The following SLCO1A2 variants were observed in gnomAD, a reference collection of about 807,000 sequenced individuals.
SLCO1A2 encodes the protein solute carrier organic anion transporter family member 1A2.
Under a neutral mutation model 69.0 loss-of-function variants are expected in SLCO1A2, and 67 were observed. The ratio of observed to expected loss-of-function variants is 0.97; its 90% CI spans 0.80 to 1.19. The LOEUF is 1.19. Ranked by LOEUF, SLCO1A2 falls within the 50% of genes most tolerant of loss-of-function variation. The probability of loss-of-function intolerance (pLI) is 0.00; values close to 1 mark genes in which losing one functional copy is unlikely to be tolerated. For missense variants in SLCO1A2, 787 were observed against 793.7 expected (o/e 0.99, Z 0.10); for synonymous variants, 260 against 265.9 (o/e 0.98, Z 0.22).
At position 21,319,389 on chromosome 12, in the gene SLCO1A2, T is replaced by C. The variant is rs751287501; in HGVS notation, c.61-466A>G. 2.9e-6 allele frequency: 4 copies of C among 1,367,874 alleles called. No homozygotes were observed. In the East Asian group the frequency reaches 1.8e-4, roughly 62 times the overall value. The allele number at this position is 1,367,874 out of a possible 1,614,324, so 84.7% of individuals were successfully genotyped here. A position where few individuals can be genotyped will look rare whatever the true frequency, so the allele number is the denominator to read the frequency against. On this transcript the variant is annotated intron_variant, in intron 2 of 14. Transcript: ENST00000683939. ...CAGATTACCTTGGCCGACTCCACTC[T>C]TTCCTGTTCTTGCTTGCAATTCTTG...
At chr12:21,347,216 G>GT (rs1245889869) in intron 2 of SLCO1A2, among the ~76,000 whole-genome samples, 2 of 152,142 alleles carry the variant, frequency 1.3e-5, no homozygotes, top group East Asian at 3.9e-4. Context: ...CAAAAATGTT[G>GT]TAACTATTTA....
chr12:21,375,906 G>GA (rs1233634845), intron 1 of SLCO1A2, among the ~76,000 whole-genome samples: 2 of 105,034 alleles, frequency 1.9e-5, no homozygotes, highest in Non-Finnish European at 4.4e-5. Flanking sequence ...TAGTCAATGA[G>GA]AAAAAAATGC....
chr12:21,386,990 G>T (rs1940914192), intron 1 of SLCO1A2, among the ~76,000 whole-genome samples: 1 of 152,142 alleles, frequency 6.6e-6, no homozygotes, highest in Non-Finnish European at 1.5e-5. Flanking sequence ...GGCTGAGGTG[G>T]TCTCAGATGG....
intron 2 of SLCO1A2, among the ~76,000 whole-genome samples, chr12:21,346,477 C>T (rs1469969678): frequency 6.6e-6 from 1 of 151,134 alleles, no homozygotes; most frequent in Non-Finnish European, 1.5e-5. Flanking sequence ...CAAATCAAGC[C>T]ATAATTGTGA....
intron 1 of SLCO1A2, among the ~76,000 whole-genome samples, chr12:21,416,089 CTTTT>C (rs1251562381): frequency 3.3e-5 from 5 of 151,904 alleles, no homozygotes; most frequent in Non-Finnish European, 7.4e-5. Flanking sequence ...TATACTTTTT[CTTTT>C]TTATTATGTT....
chr12:21,328,324 T>A (rs1565501861), intron 2 of SLCO1A2, among the ~76,000 whole-genome samples: 1 of 152,166 alleles, frequency 6.6e-6, no homozygotes. Context: ...GTCTTTTTTT[T>A]AAATACCAAA....
chr12:21,332,881 A>C (rs1656612349), intron 2 of SLCO1A2, among the ~76,000 whole-genome samples: 1 of 152,100 alleles, frequency 6.6e-6, no homozygotes, highest in African/African-American at 2.4e-5. Flanking sequence ...CATTCACACC[A>C]CACAATACAT....
chr12:21,319,492 T>G (rs1319894726), intron 2 of SLCO1A2: 1 of 1,357,318 alleles, frequency 7.4e-7, no homozygotes, highest in African/African-American at 1.5e-5. Flanking sequence ...CTTCCCATAG[T>G]AGGATGCTCT....
intron 2 of SLCO1A2, among the ~76,000 whole-genome samples, chr12:21,325,313 T>C (rs1305839548): frequency 6.6e-6 from 1 of 151,674 alleles, no homozygotes. Context: ...GATATTTAGG[T>C]GAAGAAGTTA....
intron 2 of SLCO1A2, among the ~76,000 whole-genome samples, chr12:21,332,696 C>T (rs920260166): frequency 2.6e-5 from 4 of 152,096 alleles, no homozygotes; most frequent in Non-Finnish European, 5.9e-5. Context: ...ATCTTTCTCA[C>T]TGTGTCTTCA....
chr12:21,373,474 G>A, intron 2 of SLCO1A2: 2 of 1,362,910 alleles, frequency 1.5e-6, no homozygotes, highest in Non-Finnish European at 2.1e-6. Context: ...CTTTTGTAAA[G>A]TGTGAGAAAA....
In SLCO1A2 at chr12:21,292,373, A is replaced by G. The variant is rs774581064; in HGVS notation, c.1438-37T>C. On this transcript the variant is annotated intron_variant, in intron 11 of 14. Transcript: ENST00000683939. ...TAACATATTATACTAAGAAGTAAAAATCTTGAACACAAATTTTAAACATTT... is the reference window on the plus strand; with the variant it reads ...TAACATATTATACTAAGAAGTAAAAGTCTTGAACACAAATTTTAAACATTT... 1.1e-4 allele frequency: 173 copies of G among 1,545,010 alleles called. 2 individuals carry two copies. The South Asian group carries it at 2.0e-3, about 17-fold the overall frequency.
intron 6 of SLCO1A2, among the ~76,000 whole-genome samples, chr12:21,301,492 A>G (rs1426162088): frequency 6.6e-6 from 1 of 152,034 alleles, no homozygotes; most frequent in Non-Finnish European, 1.5e-5. Flanking sequence ...CTGGCCTCCA[A>G]ATTCCCTTTC....
intron 12 of SLCO1A2, among the ~76,000 whole-genome samples, chr12:21,277,831 G>A (rs553576292): frequency 2.1e-4 from 32 of 152,242 alleles, no homozygotes; most frequent in Non-Finnish European, 3.7e-4. Flanking sequence ...GGTAATGCTC[G>A]CTGCTCCCTC....
At position 21,385,997 on chromosome 12, in the gene SLCO1A2, T is replaced by C. The variant is rs78258805; in HGVS notation, c.-190+8909A>G. Reference sequence around the variant, plus strand: ...TCAAACTCAGTTTTCAGAGCTTTATTTGATTTCAAGTTTATGATTATTATC... The same window carrying C: ...TCAAACTCAGTTTTCAGAGCTTTATCTGATTTCAAGTTTATGATTATTATC... On this transcript the variant is annotated intron_variant, in intron 1 of 15. Transcript: ENST00000307378. Among the ~76,000 whole-genome samples the C allele has an allele frequency of 6.8e-4, 104 of 152,344 alleles. No homozygotes were observed. The East Asian group carries it at 0.019, about 27-fold the overall frequency.
intron 2 of SLCO1A2, among the ~76,000 whole-genome samples, chr12:21,341,584 C>CT (rs938597444): frequency 1.3e-5 from 2 of 151,850 alleles, no homozygotes; most frequent in African/African-American, 4.8e-5. Context: ...ATTTTTCTGC[C>CT]TTTTTTTATT....
intron 12 of SLCO1A2, among the ~76,000 whole-genome samples, chr12:21,287,656 A>T (rs1201376303): frequency 7.8e-6 from 1 of 128,410 alleles, no homozygotes; most frequent in African/African-American, 3.1e-5. Flanking sequence ...TGTGGCACAT[A>T]TACACCATGG....
At position 21,275,460 on chromosome 12, in the gene SLCO1A2, TA is replaced by T. The variant is rs1943649700; in HGVS notation, c.1611-37del. On this transcript the variant is annotated intron_variant, in intron 12 of 14. Coordinates refer to ENST00000683939, the MANE Select transcript of SLCO1A2 (RefSeq NM_001386879.1). ...AATAAGTTTGTAAATAAAAGAAAAA[TA>T]AAGATTTAAAACTATCATATTGTCT... The T allele has an allele frequency of 2.9e-6, 4 of 1,402,818 alleles. No homozygotes were observed. The Admixed American group carries it at 8.4e-5, about 29-fold the overall frequency. The allele number at this position is 1,402,818 out of a possible 1,614,324, so 86.9% of individuals were successfully genotyped here.
At chr12:21,397,500 A>C (rs1941515299), upstream of SLCO1A2, among the ~76,000 whole-genome samples, 1 of 151,940 alleles carries the variant, frequency 6.6e-6, no homozygotes, top group Non-Finnish European at 1.5e-5. Flanking sequence ...CAGGAACTGA[A>C]CTCAGCTCTG....
Sources: allele counts gnomAD v4.1 joint callset (sites outside exome capture counted in the v4.1 genomes callset), GRCh38; gene constraint gnomAD v4.1.1; transcripts MANE v1.5; gene names NCBI Gene and HGNC (gene_info 2026-07-23, HGNC 2026-07-21).